Variants in LCE2D observed in about 807,000 individuals in gnomAD.
LCE2D encodes late cornified envelope 2D.
For missense variants in LCE2D, 161 were observed against 142.9 expected (o/e 1.13, Z -0.65); for synonymous variants, 55 against 51.3 (o/e 1.07, Z -0.31).
At chr1:152,663,692 TG>T (rs967127864) in intron 1 of LCE2D, among the ~76,000 whole-genome samples, 1 of 152,172 alleles carries the variant, frequency 6.6e-6, no homozygotes, top group African/African-American at 2.4e-5. Context: ...CCATGGAAAT[TG>T]TCAAATGCTT....
At position 152,664,533 on chromosome 1, in the gene LCE2D, T is replaced by G; in HGVS notation, c.*95T>G. 1 of 1,507,762 alleles carries G rather than the reference T, an allele frequency of 6.6e-7. No individual in the cohort carries two copies. The highest frequency in any genetic ancestry group is 8.9e-7 in the Non-Finnish European group (1 of 1,127,974). The allele number at this position is 1,507,762 out of a possible 1,614,324, so 93.4% of individuals were successfully genotyped here. A position where few individuals can be genotyped will look rare whatever the true frequency, so the allele number is the denominator to read the frequency against. Reference sequence around the variant, plus strand: ...CCCTTCCTTTCATTCCACTCATGGGTGGACAGGGACCACAAAGACTCATGG... The same window carrying G: ...CCCTTCCTTTCATTCCACTCATGGGGGGACAGGGACCACAAAGACTCATGG... On this transcript the variant is annotated 3_prime_UTR_variant, in exon 2 of 2. Transcript: ENST00000368784.
chr1:152,664,459 T>C lies in LCE2D; in HGVS notation c.*21T>C, dbSNP rs1346548504. On this transcript the variant is annotated 3_prime_UTR_variant, in exon 2 of 2. Transcript: ENST00000368784. Reference sequence around the variant, plus strand: ...GCTGACCTGGGCTGCAGAAGAGCTCTGGTACTGAATGGTCAAAAACCTGCT... The same window carrying C: ...GCTGACCTGGGCTGCAGAAGAGCTCCGGTACTGAATGGTCAAAAACCTGCT... The C allele has an allele frequency of 1.3e-6, 2 of 1,584,732 alleles. No individual in the cohort carries two copies. The highest frequency in any genetic ancestry group is 1.7e-6 in the Non-Finnish European group (2 of 1,168,062).
At position 152,664,358 on chromosome 1, in the gene LCE2D, C is replaced by A; in HGVS notation, c.253C>A (p.Arg85=). ...HHRPRLFHRR[R]HQSPDCCESE... The stretch of plus-strand genomic sequence containing the variant: ...CAGGCCCCGTCTCTTCCACCGGCGC[C>A]GGCACCAGAGCCCCGATTGCTGTGA... Residue 85 remains arginine, a synonymous_variant, in exon 2 of 2, where the codon CGG becomes AGG. Transcript: ENST00000368784. 6.2e-7 allele frequency: 1 copy of A among 1,608,686 alleles called. No homozygotes were observed. Among genetic ancestry groups the A allele is most frequent in the Non-Finnish European group, 8.5e-7 (1 of 1,175,690 alleles).
At position 152,664,129 on chromosome 1, in the gene LCE2D, G is replaced by T. The variant is rs1174070562; in HGVS notation, c.24G>T (p.Gln8His). The change falls in exon 2 of 2, where the codon CAG (glutamine) becomes CAT (histidine). Residue 8 changes from glutamine (Q) to histidine (H), a missense_variant. By Grantham distance (24) the Gln-to-His change is conservative. Coordinates refer to ENST00000368784, the MANE Select transcript of LCE2D (RefSeq NM_178430.4). ...GGATGTCTTGCCAGCAAAACCAGCAGCAGTGCCAGCCCCCTCCCAAATGTC... is the reference window on the plus strand; with the variant it reads ...GGATGTCTTGCCAGCAAAACCAGCATCAGTGCCAGCCCCCTCCCAAATGTC... The part of the protein sequence containing the change: MSCQQNQ[Q>H]QCQPPPKCPP... 6.2e-7 allele frequency: 1 copy of T among 1,614,126 alleles called. No homozygotes were observed. The highest frequency in any genetic ancestry group is 8.5e-7 in the Non-Finnish European group (1 of 1,180,016).
intron 1 of LCE2D, among the ~76,000 whole-genome samples, 186 bp from the exon 2 acceptor site, chr1:152,663,899 A>G (rs188683757): frequency 3.3e-5 from 5 of 152,314 alleles, no homozygotes; most frequent in Admixed American, 3.3e-4. Flanking sequence ...TATGAAGCTC[A>G]TTCTGTTGAT....
rs1033623402 is a variant in LCE2D, at chr1:152,664,264, G to A, written c.159G>A (p.Gly53=). ...CTTCCTGCTGTGGTCCCAGCTCTGG[G>A]AGCTGCTGTGGTCCCAGCTCTGGGG... ...AVSSCCGPSS[G]SCCGPSSGGC... The change falls in exon 2 of 2, where the codon GGG becomes GGA. Residue 53 remains glycine (G), a synonymous_variant. Coordinates refer to ENST00000368784, the MANE Select transcript of LCE2D (RefSeq NM_178430.4). 1.9e-6 allele frequency: 3 copies of A among 1,614,060 alleles called. No individual in the cohort carries two copies. The highest frequency in any genetic ancestry group is 1.7e-6 in the Non-Finnish European group (2 of 1,179,994).
intron 1 of LCE2D, among the ~76,000 whole-genome samples, chr1:152,663,698 A>G (rs74129685): frequency 0.018 from 2,712 of 152,282 alleles, 92 homozygotes; most frequent in African/African-American, 0.062. Context: ...AAATTGTCAA[A>G]TGCTTCAGGC....
At position 152,664,206 on chromosome 1, in the gene LCE2D, C is replaced by G; in HGVS notation, c.101C>G (p.Pro34Arg). ...CPPKCPPKCPPQCPAPCSPAV... is the reference protein window; with the variant it reads ...CPPKCPPKCPRQCPAPCSPAV... ...CCTAAGTGTCCCCCCAAATGCCCAC[C>G]ACAGTGCCCAGCTCCATGTTCCCCT... Residue 34 changes from proline to arginine, a missense_variant, in exon 2 of 2, where the codon CCA becomes CGA. Transcript: ENST00000368784. 1.2e-6 allele frequency: 2 copies of G among 1,614,220 alleles called. No homozygotes were observed. Among genetic ancestry groups the G allele is most frequent in the Admixed American group, 1.7e-5 (1 of 60,034 alleles).
rs2101491214 is a variant in LCE2D at position 152,664,593 on chromosome 1, C to G, written c.*155C>G. 3.8e-6 allele frequency: 4 copies of G among 1,054,526 alleles called. No individual in the cohort carries two copies. Among genetic ancestry groups the G allele is most frequent in the Non-Finnish European group, 5.4e-6 (4 of 743,056 alleles). 65.3% of individuals were successfully genotyped at this position (1,054,526 alleles called of 1,614,324 possible). A position where few individuals can be genotyped will look rare whatever the true frequency, so the allele number is the denominator to read the frequency against. ...AGAACTTTGTGCTTGATGGAGCACC[C>G]CAGATGGAAGCCTTCTTTTTCTCCT... On this transcript the variant is annotated 3_prime_UTR_variant, in exon 2 of 2. Coordinates refer to ENST00000368784, the MANE Select transcript of LCE2D (RefSeq NM_178430.4).
Position 152,664,429 on chromosome 1 carries a change from C to T in LCE2D, c.324C>T (p.Gly108=). ...GASGCCHSSG[G]CC ...CTGGCTGCTGCCACAGCTCTGGGGG[C>T]TGCTGCTGACCTGGGCTGCAGAAGA... is the stretch of plus-strand genomic sequence containing the variant. Residue 108 remains glycine, a synonymous_variant, in exon 2 of 2, where the codon GGC becomes GGT. Transcript: ENST00000368784. 1.2e-6 allele frequency: 2 copies of T among 1,611,918 alleles called. No homozygotes were observed. Among genetic ancestry groups the T allele is most frequent in the Non-Finnish European group, 1.7e-6 (2 of 1,178,934 alleles).
rs1219570802 is a variant in LCE2D, at chr1:152,663,997, C to G, written c.-21-88C>G. ...GTGACTGTATTACCTAAATATCATT[C>G]TTCTTCTACACATGCATTGATTTTA... On this transcript the variant is annotated intron_variant, in intron 1 of 1. Coordinates refer to ENST00000368784, the MANE Select transcript of LCE2D (RefSeq NM_178430.4). 7.0e-6 allele frequency: 10 copies of G among 1,421,680 alleles called. No individual in the cohort carries two copies. The South Asian group carries it at 1.4e-4, about 19-fold the overall frequency. The allele number at this position is 1,421,680 out of a possible 1,614,324, so 88.1% of individuals were successfully genotyped here. A position where few individuals can be genotyped will look rare whatever the true frequency, so the allele number is the denominator to read the frequency against.
intron 1 of LCE2D, among the ~76,000 whole-genome samples, chr1:152,663,757 C>T (rs1361282778): frequency 6.6e-6 from 1 of 152,144 alleles, no homozygotes; most frequent in Non-Finnish European, 1.5e-5. Flanking sequence ...TCCAGAGGAT[C>T]CCTGGTGTGT....
chr1:152,663,962 G>A (rs1248150070), intron 1 of LCE2D, 123 bp from the exon 2 acceptor site: 1 of 1,110,256 alleles, frequency 9.0e-7, no homozygotes, highest in East Asian at 2.5e-5. Flanking sequence ...GTTTCTTTCA[G>A]GTTACTGATG....
intron 1 of LCE2D, among the ~76,000 whole-genome samples, chr1:152,663,842 A>C (rs970682960): frequency 2.0e-5 from 3 of 152,190 alleles, no homozygotes; most frequent in East Asian, 1.9e-4. Flanking sequence ...TACTCTATTC[A>C]GGCTTGTGAA....
chr1:152,664,298 A>C lies in LCE2D; in HGVS notation c.193A>C (p.Ser65Arg). The change falls in exon 2 of 2, where the codon AGC (serine) becomes CGC (arginine). Residue 65 changes from serine to arginine, a missense_variant. Ser to Arg is a moderately radical substitution (Grantham distance 110). Transcript: ENST00000368784. ...CCGPSSGGCC[S>R]SGGGGCCLSH... ...TGGTCCCAGCTCTGGGGGCTGCTGC[A>C]GCTCTGGGGGTGGTGGCTGCTGCCT... The C allele has an allele frequency of 6.2e-7, 1 of 1,613,876 alleles. No homozygotes were observed. Among genetic ancestry groups the C allele is most frequent in the Non-Finnish European group, 8.5e-7 (1 of 1,179,948 alleles).
chr1:152,664,155 C>T lies in LCE2D; in HGVS notation c.50C>T (p.Pro17Leu), dbSNP rs1200646295. Reference sequence around the variant, plus strand: ...CAGTGCCAGCCCCCTCCCAAATGTCCTCCCAAGTGTACCCCAAAATGTCCA... The same window carrying T: ...CAGTGCCAGCCCCCTCCCAAATGTCTTCCCAAGTGTACCCCAAAATGTCCA... ...QQQCQPPPKC[P>L]PKCTPKCPPK... Residue 17 changes from proline to leucine, a missense_variant, in exon 2 of 2, where the codon CCT (proline) becomes CTT (leucine). By Grantham distance (98) the Pro-to-Leu change is moderately conservative. Transcript: ENST00000368784. 1.9e-6 allele frequency: 3 copies of T among 1,614,094 alleles called. No homozygotes were observed. The highest frequency in any genetic ancestry group is 2.5e-6 in the Non-Finnish European group (3 of 1,180,046).
chr1:152,664,246 C>T lies in LCE2D; in HGVS notation c.141C>T (p.Cys47=). The change falls in exon 2 of 2, where the codon TGC becomes TGT. Residue 47 remains cysteine, a synonymous_variant. Coordinates refer to ENST00000368784, the MANE Select transcript of LCE2D (RefSeq NM_178430.4). The part of the protein sequence containing the change: ...PAPCSPAVSS[C]CGPSSGSCCG... The stretch of plus-strand genomic sequence containing the variant: ...CATGTTCCCCTGCAGTCTCTTCCTG[C>T]TGTGGTCCCAGCTCTGGGAGCTGCT... 2.5e-6 allele frequency: 4 copies of T among 1,614,100 alleles called. No individual in the cohort carries two copies. Among genetic ancestry groups the T allele is most frequent in the Non-Finnish European group, 3.4e-6 (4 of 1,179,990 alleles).
rs993765248 is a variant in LCE2D at position 152,664,617 on chromosome 1, C to T, written c.*179C>T. 3.5e-5 allele frequency: 27 copies of T among 782,530 alleles called. No homozygotes were observed. The highest frequency in any genetic ancestry group is 5.4e-5 in the Non-Finnish European group (27 of 500,464). The allele number at this position is 782,530 out of a possible 1,614,324, so 48.5% of individuals were successfully genotyped here. A position where few individuals can be genotyped will look rare whatever the true frequency, so the allele number is the denominator to read the frequency against. Reference sequence around the variant, plus strand: ...CCCAGATGGAAGCCTTCTTTTTCTCCTTTACCTCATATTGTAATAAAGCTC... The same window carrying T: ...CCCAGATGGAAGCCTTCTTTTTCTCTTTTACCTCATATTGTAATAAAGCTC... On this transcript the variant is annotated 3_prime_UTR_variant, in exon 2 of 2. Transcript: ENST00000368784.
In LCE2D at chr1:152,664,480, C is replaced by T. The variant is rs765426662; in HGVS notation, c.*42C>T. 1.3e-6 allele frequency: 2 copies of T among 1,558,756 alleles called. No individual in the cohort carries two copies. Among genetic ancestry groups the T allele is most frequent in the East Asian group, 2.2e-5 (1 of 44,472 alleles). On this transcript the variant is annotated 3_prime_UTR_variant, in exon 2 of 2. Transcript: ENST00000368784. ...GCTCTGGTACTGAATGGTCAAAAAC[C>T]TGCTACAGCCTGATGCTTAACTATT...
Sources: gnomAD v4.1 joint callset for allele counts (sites outside exome capture counted in the v4.1 genomes callset) on GRCh38, gnomAD v4.1.1 for gene constraint, MANE v1.5 for transcripts, NCBI Gene and HGNC (gene_info 2026-07-23, HGNC 2026-07-21) for gene names.